The following SLC6A19 variants were observed in gnomAD, a reference collection of about 807,000 sequenced individuals.
The protein encoded by SLC6A19 is sodium-dependent neutral amino acid transporter B(0)AT1.
A neutral mutation model predicts 68.3 loss-of-function variants in SLC6A19; 67 were observed. The ratio of observed to expected loss-of-function variants is 0.98; its 90% CI spans 0.81 to 1.20. The LOEUF is 1.20. Among genes scored for constraint, SLC6A19 ranks in the 50% most tolerant of loss-of-function variants. The pLI, the probability that SLC6A19 is intolerant of heterozygous loss-of-function variation, is 0.00. For synonymous variants in SLC6A19, 392 were observed against 374.9 expected (o/e 1.05, Z -0.53); for missense variants, 813 against 851.6 (o/e 0.95, Z 0.56).
In SLC6A19 at chr5:1,212,444, T is replaced by C. The variant is rs1225486059; in HGVS notation, c.623T>C (p.Leu208Pro). The C allele has an allele frequency of 2.5e-6, 4 of 1,611,252 alleles. No homozygotes were observed. In the South Asian group the frequency reaches 3.3e-5, roughly 13 times the overall value. Residue 208 changes from leucine (L) to proline (P), a missense_variant, in exon 4 of 12, where the codon CTG becomes CCG. Physicochemically the swap from Leu to Pro is moderately conservative, Grantham distance 98. Coordinates refer to ENST00000304460, the MANE Select transcript of SLC6A19 (RefSeq NM_001003841.3). This position sits in a 1 kb window ranked among gnomAD's most constrained non-coding sequence, Gnocchi z 5.1. ...TGCCTGGCCTGCGCATGGAGCGTCC[T>C]GTACATGTGCACCATCCGCGGCATC... ...LLCLACAWSV[L>P]YMCTIRGIET...
intron 6 of SLC6A19, 65 bp from the exon 7 acceptor site, chr5:1,216,493 G>A: frequency 6.2e-7 from 1 of 1,611,074 alleles, no homozygotes; most frequent in Non-Finnish European, 8.5e-7. Context: ...TGCGGATGCT[G>A]CCCTGGGCTG....
chr5:1,222,185 T>C lies in SLC6A19; in HGVS notation c.*281T>C, dbSNP rs1746404581. ...ATGTGCCATGTGTGCAGATGTGTCATGTTGTGTGTGTGCATGTACATGTAT... is the reference window on the plus strand; with the variant it reads ...ATGTGCCATGTGTGCAGATGTGTCACGTTGTGTGTGTGCATGTACATGTAT... On this transcript the variant is annotated 3_prime_UTR_variant, in exon 12 of 12. Transcript: ENST00000304460. 1 of 594,100 alleles carries C rather than the reference T, an allele frequency of 1.7e-6. No individual in the cohort carries two copies. The highest frequency in any genetic ancestry group is 3.0e-5 in the Admixed American group (1 of 33,494). The allele number at this position is 594,100 out of a possible 1,614,324, so 36.8% of individuals were successfully genotyped here.
intron 8 of SLC6A19, among the ~76,000 whole-genome samples, chr5:1,218,539 G>T (rs1037512858): frequency 6.6e-6 from 1 of 152,204 alleles, no homozygotes; most frequent in African/African-American, 2.4e-5. Context: ...TTCCGAGCAC[G>T]TCCAGGGTAT....
In SLC6A19 at chr5:1,222,301, C is replaced by T. The variant is rs779635631; in HGVS notation, c.*397C>T. On this transcript the variant is annotated 3_prime_UTR_variant, in exon 12 of 12. Coordinates refer to ENST00000304460, the MANE Select transcript of SLC6A19 (RefSeq NM_001003841.3). ...GTGCATGTATATATAGACATACATG[C>T]CTATGTTGTGTGTGGTGTGCATATG... The T allele has an allele frequency of 1.1e-5, 6 of 541,584 alleles. No homozygotes were observed. Among genetic ancestry groups the T allele is most frequent in the Non-Finnish European group, 1.9e-5 (6 of 308,350 alleles). The allele number at this position is 541,584 out of a possible 1,614,324, so 33.5% of individuals were successfully genotyped here.
At chr5:1,221,567 G>C in intron 11 of SLC6A19, 134 bp from the exon 12 acceptor site, 1 of 1,182,298 alleles carries the variant, frequency 8.5e-7, no homozygotes, top group Non-Finnish European at 1.2e-6. Context: ...GAAAGGGGAA[G>C]CTGGAGGAGC....
rs1179494097 is a variant in SLC6A19 at position 1,214,362 on chromosome 5, T to C, written c.887+297T>C. Among the ~76,000 whole-genome samples, 2 of 152,162 alleles carry C rather than the reference T, an allele frequency of 1.3e-5. No homozygotes were observed. The highest frequency in any genetic ancestry group is 2.9e-5 in the Non-Finnish European group (2 of 67,970). ...TCCTGTGCTCTCCCCAGTTCCCTGCTCCACACCCACATCGCTCCCAGCCCA... is the reference window on the plus strand; with the variant it reads ...TCCTGTGCTCTCCCCAGTTCCCTGCCCCACACCCACATCGCTCCCAGCCCA... On this transcript the variant is annotated intron_variant, in intron 6 of 11. Coordinates refer to ENST00000304460, the MANE Select transcript of SLC6A19 (RefSeq NM_001003841.3). The surrounding 1 kb of genome is among the most constrained non-coding windows in gnomAD (Gnocchi z 7.4).
rs370442773 is a variant in SLC6A19 at position 1,213,472 on chromosome 5, A to G, written c.673A>G (p.Ile225Val). The G allele has an allele frequency of 1.3e-6, 2 of 1,555,460 alleles. No individual in the cohort carries two copies. The highest frequency in any genetic ancestry group is 2.2e-5 in the South Asian group (2 of 89,642). ...GIETTGKAVY[I>V]TSTLPYVVLT... ...GTCCCGCCCTCCGCAGGCCGTGTAC[A>G]TCACCTCCACGCTGCCCTATGTCGT... The change falls in exon 5 of 12, where the codon ATC becomes GTC. Residue 225 changes from isoleucine to valine, a missense_variant. Coordinates refer to ENST00000304460, the MANE Select transcript of SLC6A19 (RefSeq NM_001003841.3).
intron 6 of SLC6A19, among the ~76,000 whole-genome samples, chr5:1,216,048 G>T (rs149605798): frequency 9.8e-5 from 15 of 152,354 alleles, no homozygotes; most frequent in African/African-American, 3.6e-4. Context: ...GAAGGGTGGA[G>T]TGAGCTGGCT....
At chr5:1,203,410 G>A (rs547795857) in intron 1 of SLC6A19, among the ~76,000 whole-genome samples, 22 of 152,088 alleles carry the variant, frequency 1.4e-4, no homozygotes, top group African/African-American at 2.4e-4. Context: ...GGACAGGTGC[G>A]GGCAGCGGGC....
rs1021015923 is a variant in SLC6A19, at chr5:1,219,721, G to A, written c.1538+57G>A. The A allele has an allele frequency of 3.9e-5, 62 of 1,594,278 alleles. No homozygotes were observed. The Middle Eastern group carries it at 6.6e-4, about 17-fold the overall frequency. On this transcript the variant is annotated intron_variant, in intron 10 of 11. Transcript: ENST00000304460. ...ATGCAGAAAAGCCAGGTCACAGGGC[G>A]TTCCTGTGAGGGAGGACCCGGGCTG...
chr5:1,222,731 GC>G lies in SLC6A19; in HGVS notation c.*828del, dbSNP rs138043409. On this transcript the variant is annotated 3_prime_UTR_variant, in exon 12 of 12. Transcript: ENST00000304460. ...CATATGGACACGTGTGGATATGTGT[GC>G]GTACACGTCGCTGGGACACATGCCT... 742 of 158,388 alleles carry G rather than the reference GC, an allele frequency of 4.7e-3. 5 individuals are homozygous for G. The highest frequency in any genetic ancestry group is 0.017 in the African/African-American group (709 of 41,798). 9.8% of individuals were successfully genotyped at this position (158,388 alleles called of 1,614,324 possible).
At position 1,214,280 on chromosome 5, in the gene SLC6A19, G is replaced by A. The variant is rs1746140789; in HGVS notation, c.887+215G>A. ...GGTCTCCCTGTGAGGAGGGCCAGGA[G>A]CCGGGCGCCTGCAGCTTTCCCCACA... is the stretch of plus-strand genomic sequence containing the variant. On this transcript the variant is annotated intron_variant, in intron 6 of 11. Transcript: ENST00000304460. The surrounding 1 kb of genome is among the most constrained non-coding windows in gnomAD (Gnocchi z 7.4). 6.6e-6 allele frequency among the ~76,000 whole-genome samples: 1 copy of A among 152,098 alleles called. No homozygotes were observed. The highest frequency in any genetic ancestry group is 1.5e-5 in the Non-Finnish European group (1 of 67,994).
In SLC6A19 at chr5:1,212,854, C is replaced by G. The variant is rs1325505757; in HGVS notation, c.663+370C>G. On this transcript the variant is annotated intron_variant, in intron 4 of 11. Transcript: ENST00000304460. The surrounding 1 kb of genome is among the most constrained non-coding windows in gnomAD (Gnocchi z 5.1). ...TGGAAGAGTAAGGCTTGATCTTCCC[C>G]TACATGGGAATCTTTGGTACGAGGT... Among the ~76,000 whole-genome samples, 1 of 152,096 alleles carries G rather than the reference C, an allele frequency of 6.6e-6. No homozygotes were observed. Among genetic ancestry groups the G allele is most frequent in the African/African-American group, 2.4e-5 (1 of 41,380 alleles).
intron 2 of SLC6A19, 44 bp downstream of exon 2, chr5:1,208,930 C>T (rs1579510379): frequency 1.9e-6 from 3 of 1,584,114 alleles, no homozygotes; most frequent in Admixed American, 1.7e-5. Context: ...GGGGTCGCCT[C>T]TGCTGGGAAG....
chr5:1,209,889 T>C lies in SLC6A19; in HGVS notation c.344-555T>C, dbSNP rs150059070. Among the ~76,000 whole-genome samples, 655 of 152,360 alleles carry C rather than the reference T, an allele frequency of 4.3e-3. 11 individuals carry two copies. Among genetic ancestry groups the C allele is most frequent in the African/African-American group, 0.015 (617 of 41,584 alleles). Reference sequence around the variant, plus strand: ...AAAGCATGTACTACATAGCACACTTTCCATCCTGCCTAGCTGTCCCCAAAT... The same window carrying C: ...AAAGCATGTACTACATAGCACACTTCCCATCCTGCCTAGCTGTCCCCAAAT... On this transcript the variant is annotated intron_variant, in intron 2 of 11. Transcript: ENST00000304460. This position sits in a 1 kb window ranked among gnomAD's most constrained non-coding sequence, Gnocchi z 5.5.
Position 1,222,406 on chromosome 5 carries a change from TGA to T in SLC6A19, c.*504_*505del, listed in dbSNP as rs1168899186. On this transcript the variant is annotated 3_prime_UTR_variant, in exon 12 of 12. Transcript: ENST00000304460. ...ACATGCACGTGTATATGTATATCTG[TGA>T]GTGTATATACATGCATGCAATTGTG... is the stretch of plus-strand genomic sequence containing the variant. 30 of 455,788 alleles carry T rather than the reference TGA, an allele frequency of 6.6e-5. No homozygotes were observed. In the Middle Eastern group the frequency reaches 1.7e-3, roughly 25 times the overall value. The allele number at this position is 455,788 out of a possible 1,614,324, so 28.2% of individuals were successfully genotyped here.
Position 1,222,507 on chromosome 5 carries a change from G to A in SLC6A19, c.*603G>A, listed in dbSNP as rs369166083. The A allele has an allele frequency of 8.1e-4, 336 of 417,140 alleles. 1 individual carries two copies. The highest frequency in any genetic ancestry group is 5.4e-3 in the South Asian group (49 of 9,064). 25.8% of individuals were successfully genotyped at this position (417,140 alleles called of 1,614,324 possible). On this transcript the variant is annotated 3_prime_UTR_variant, in exon 12 of 12. Coordinates refer to ENST00000304460, the MANE Select transcript of SLC6A19 (RefSeq NM_001003841.3). ...ATATGTACATGTATGCCTGTGTGACGTGTGTATATGTGAGCATGTGTACGT... is the reference window on the plus strand; with the variant it reads ...ATATGTACATGTATGCCTGTGTGACATGTGTATATGTGAGCATGTGTACGT...
chr5:1,201,610 T>C lies in SLC6A19; in HGVS notation c.-41T>C. 1 of 1,585,170 alleles carries C rather than the reference T, an allele frequency of 6.3e-7. No individual in the cohort carries two copies. The highest frequency in any genetic ancestry group is 8.5e-7 in the Non-Finnish European group (1 of 1,172,294). ...GCCCACGGCCACTCGCCCTCCAGCT[T>C]CTGCCCTGCCTGCTGTGTGCGGAGC... On this transcript the variant is annotated 5_prime_UTR_variant, in exon 1 of 12. Transcript: ENST00000304460.
rs972680296 is a variant in SLC6A19, at chr5:1,214,217, T to A, written c.887+152T>A. On this transcript the variant is annotated intron_variant, in intron 6 of 11. Coordinates refer to ENST00000304460, the MANE Select transcript of SLC6A19 (RefSeq NM_001003841.3). The surrounding 1 kb of genome is among the most constrained non-coding windows in gnomAD (Gnocchi z 7.4). Reference sequence around the variant, plus strand: ...CGTTCCCTCCTGCTCGGGGTCCATGTGAGCTGAGTCTAGAGTGCAGCATGT... The same window carrying A: ...CGTTCCCTCCTGCTCGGGGTCCATGAGAGCTGAGTCTAGAGTGCAGCATGT... 3 of 1,447,654 alleles carry A rather than the reference T, an allele frequency of 2.1e-6. No individual in the cohort carries two copies. The African/African-American group carries it at 4.2e-5, about 20-fold the overall frequency. The allele number at this position is 1,447,654 out of a possible 1,614,324, so 89.7% of individuals were successfully genotyped here. A position where few individuals can be genotyped will look rare whatever the true frequency, so the allele number is the denominator to read the frequency against.
Sources: gnomAD v4.1 joint callset for allele counts (sites outside exome capture counted in the v4.1 genomes callset) on GRCh38, gnomAD v4.1.1 for gene constraint, Gnocchi (gnomAD v3.1) non-coding constraint, MANE v1.5 for transcripts, NCBI Gene and HGNC (gene_info 2026-07-23, HGNC 2026-07-21) for gene names.